NOL4L: variants seen among roughly 807,000 people sequenced by gnomAD.
The protein encoded by NOL4L is nucleolar protein 4 like.
A neutral mutation model predicts 64.5 loss-of-function variants in NOL4L; 7 were observed. That is an observed-to-expected ratio of 0.11 (90% CI 0.06 to 0.20). The LOEUF (loss-of-function observed/expected upper bound fraction) is 0.20. Ranked by LOEUF, NOL4L falls within the 10% of genes least tolerant of loss-of-function variation. NOL4L has a pLI of 1.00. For missense variants in NOL4L, 680 were observed against 967.1 expected (o/e 0.70, Z 3.94); for synonymous variants, 413 against 401.0 (o/e 1.03, Z -0.36).
In NOL4L at chr20:32,446,518, C is replaced by CAGA. The variant is rs1391522103; in HGVS notation, c.*1075_*1077dup. The CAGA allele has an allele frequency of 6.6e-6, 1 of 152,400 alleles. No homozygotes were observed. Among genetic ancestry groups the CAGA allele is most frequent in the African/African-American group, 2.4e-5 (1 of 41,462 alleles). The allele number at this position is 152,400 out of a possible 1,614,324, so 9.4% of individuals were successfully genotyped here. ...GAGTCTGAGGGGCCAGGCCTGTGCA[C>CAGA]AGAAGTTCAGACCTGGCTCCTGGGC... On this transcript the variant is annotated 3_prime_UTR_variant, in exon 11 of 11. Coordinates refer to ENST00000621426, the MANE Select transcript of NOL4L (RefSeq NM_001256798.2).
chr20:32,511,336 G>T lies in NOL4L; in HGVS notation c.699+11C>A, dbSNP rs564989280. 5.3e-5 allele frequency: 82 copies of T among 1,537,226 alleles called. No individual in the cohort carries two copies. Among genetic ancestry groups the T allele is most frequent in the Admixed American group, 2.2e-4 (11 of 50,936 alleles). ...GCCTCCAGGTGGGGTGAGGGGAGACGGCCGCCTTACCTGCTCCTGGGAATT... is the reference window on the plus strand; with the variant it reads ...GCCTCCAGGTGGGGTGAGGGGAGACTGCCGCCTTACCTGCTCCTGGGAATT... On this transcript the variant is annotated intron_variant, in intron 4 of 10. Transcript: ENST00000621426.
chr20:32,457,853 C>T (rs1465879646), intron 5 of NOL4L, among the ~76,000 whole-genome samples: 2 of 152,186 alleles, frequency 1.3e-5, no homozygotes, highest in Non-Finnish European at 2.9e-5. Context: ...TGGCTGTCCC[C>T]GGGACCCCAC....
chr20:32,559,163 C>T (rs1331871282), intron 1 of NOL4L, among the ~76,000 whole-genome samples: 7 of 152,094 alleles, frequency 4.6e-5, no homozygotes, highest in African/African-American at 1.4e-4. Context: ...TCATAATCAT[C>T]GGGTTCTGGA....
chr20:32,540,487 C>G (rs189004814), intron 1 of NOL4L, among the ~76,000 whole-genome samples: 117 of 152,344 alleles, frequency 7.7e-4, no homozygotes, highest in Admixed American at 4.1e-3. Flanking sequence ...CACACAGCTT[C>G]ACACATGTAC....
At chr20:32,531,287 C>G (rs2018336216) in intron 1 of NOL4L, among the ~76,000 whole-genome samples, 1 of 151,730 alleles carries the variant, frequency 6.6e-6, no homozygotes, top group Admixed American at 6.6e-5. Context: ...GATGAGGAGA[C>G]AATATTTTAT....
At chr20:32,494,271 AAAAAAAAAAAAC>A (rs1302111569) in intron 4 of NOL4L, among the ~76,000 whole-genome samples, 25 of 142,054 alleles carry the variant, frequency 1.8e-4, no homozygotes, top group African/African-American at 2.6e-4. Context: ...AAAAAAAAAA[AAAAAAAAAAAAC>A]ACACAACACA....
At chr20:32,539,943 G>T (rs2018624127) in intron 1 of NOL4L, among the ~76,000 whole-genome samples, 2 of 152,276 alleles carry the variant, frequency 1.3e-5, no homozygotes, top group East Asian at 3.9e-4. Context: ...CCCTCGGCCG[G>T]GGCTGATATG....
intron 1 of NOL4L, among the ~76,000 whole-genome samples, chr20:32,534,315 C>T (rs541842164): frequency 1.5e-4 from 23 of 152,232 alleles, no homozygotes; most frequent in Admixed American, 1.4e-3. Flanking sequence ...TGCTATTGGA[C>T]GAGAAAGTCA....
intron 1 of NOL4L, among the ~76,000 whole-genome samples, chr20:32,561,413 TGA>T (rs1672753006): frequency 6.6e-6 from 1 of 152,232 alleles, no homozygotes; most frequent in Non-Finnish European, 1.5e-5. Context: ...AAAACGAGGC[TGA>T]GTCCTTTTTC....
At chr20:32,560,954 T>C (rs1242336977) in intron 1 of NOL4L, 4 of 152,298 alleles carry the variant, frequency 2.6e-5, no homozygotes, top group African/African-American at 7.2e-5. Context: ...GGGCCGGAGC[T>C]TGGGGGCGGT....
chr20:32,474,917 G>A, intron 4 of NOL4L, 175 bp from the exon 5 acceptor site: 1 of 985,446 alleles, frequency 1.0e-6, no homozygotes, highest in Non-Finnish European at 1.2e-6. Flanking sequence ...CGGTGGAAGT[G>A]GCCCCGGCTC....
intron 1 of NOL4L, among the ~76,000 whole-genome samples, chr20:32,583,574 G>A (rs1163007292): frequency 4.7e-5 from 7 of 150,106 alleles, no homozygotes; most frequent in African/African-American, 1.7e-4. Flanking sequence ...CGACCGGGCC[G>A]GGGGCGGAAC....
chr20:32,521,792 A>G (rs2017946597), intron 2 of NOL4L, among the ~76,000 whole-genome samples: 1 of 152,190 alleles, frequency 6.6e-6, no homozygotes, highest in South Asian at 2.1e-4. Flanking sequence ...GGGGCCAAAG[A>G]GTCCCTTCAG....
At chr20:32,584,099 C>CT (rs1257931513) in intron 1 of NOL4L, among the ~76,000 whole-genome samples, 1 of 140,890 alleles carries the variant, frequency 7.1e-6, no homozygotes, top group Admixed American at 6.9e-5. Flanking sequence ...CCTCCCTCCC[C>CT]CCCCCCCACC....
intron 1 of NOL4L, among the ~76,000 whole-genome samples, chr20:32,557,508 C>G (rs1203830898): frequency 6.6e-6 from 1 of 152,248 alleles, no homozygotes; most frequent in Non-Finnish European, 1.5e-5. Context: ...CTCCAGCAGG[C>G]AGAGGATGGC....
intron 1 of NOL4L, among the ~76,000 whole-genome samples, chr20:32,532,821 G>A (rs971874099): frequency 1.3e-5 from 2 of 152,130 alleles, no homozygotes; most frequent in African/African-American, 4.8e-5. Context: ...ATCACCCCAT[G>A]GGAAGAACCA....
chr20:32,571,753 G>A (rs1312797035), intron 1 of NOL4L, among the ~76,000 whole-genome samples: 1 of 152,192 alleles, frequency 6.6e-6, no homozygotes, highest in Non-Finnish European at 1.5e-5. Context: ...TGCTCTTGGG[G>A]CAGCTGGTAG....
intron 1 of NOL4L, among the ~76,000 whole-genome samples, chr20:32,581,443 C>T (rs984901853): frequency 6.6e-6 from 1 of 152,174 alleles, no homozygotes; most frequent in East Asian, 1.9e-4. Context: ...CGAGGCTGGC[C>T]GGGACTAGGA....
At chr20:32,486,511 C>T (rs2016092108) in intron 4 of NOL4L, among the ~76,000 whole-genome samples, 1 of 152,196 alleles carries the variant, frequency 6.6e-6, no homozygotes, top group Non-Finnish European at 1.5e-5. Context: ...TTCTTTCATG[C>T]AGCTTCCCAT....
Sources: allele counts gnomAD v4.1 joint callset (sites outside exome capture counted in the v4.1 genomes callset), GRCh38; gene constraint gnomAD v4.1.1; transcripts MANE v1.5; gene names NCBI Gene and HGNC (gene_info 2026-07-23, HGNC 2026-07-21).